GFRAL: variants seen among roughly 807,000 people sequenced by gnomAD.
GFRAL encodes GDNF family receptor alpha like, also known as GDNF family receptor alpha-like.
Under a neutral mutation model 45.4 loss-of-function variants are expected in GFRAL, and 36 were observed. The observed-to-expected ratio is 0.79, with a 90% CI of 0.61 to 1.05. The LOEUF (loss-of-function observed/expected upper bound fraction) is 1.05, where lower values mean the gene tolerates loss of function less well. Among genes scored for constraint, GFRAL ranks in the 50% least tolerant of loss-of-function variants. GFRAL has a pLI of 0.00. For missense variants in GFRAL, 507 were observed against 467.5 expected (o/e 1.08, Z -0.78); for synonymous variants, 166 against 154.1 (o/e 1.08, Z -0.57).
At chr6:55,339,049 G>C (rs1207696496) in intron 3 of GFRAL, among the ~76,000 whole-genome samples, 1 of 152,010 alleles carries the variant, frequency 6.6e-6, no homozygotes, top group Non-Finnish European at 1.5e-5. Context: ...GAGAGGTAAT[G>C]CATGCCTGAA....
chr6:55,370,125 T>G (rs62419086), intron 6 of GFRAL, among the ~76,000 whole-genome samples: 5,426 of 152,058 alleles, frequency 0.036, 148 homozygotes, highest in Middle Eastern at 0.092. Context: ...TTTCACTACA[T>G]GATTAATAGT....
chr6:55,376,848 T>C (rs2127362102), intron 6 of GFRAL, among the ~76,000 whole-genome samples: 1 of 152,168 alleles, frequency 6.6e-6, no homozygotes, highest in South Asian at 2.1e-4. Flanking sequence ...TTATCTTGGA[T>C]CTTGGTTATT....
intron 6 of GFRAL, among the ~76,000 whole-genome samples, chr6:55,395,002 G>T (rs1380894787): frequency 6.6e-6 from 1 of 151,718 alleles, no homozygotes. Flanking sequence ...CTACAATTGT[G>T]CATTCTTTCT....
At chr6:55,346,269 T>C (rs552718827) in intron 3 of GFRAL, among the ~76,000 whole-genome samples, 2 of 152,198 alleles carry the variant, frequency 1.3e-5, no homozygotes, top group Admixed American at 6.5e-5. Context: ...CTATTCACAA[T>C]AGCAAAGACT....
At chr6:55,369,777 G>T (rs1447862274) in intron 6 of GFRAL, among the ~76,000 whole-genome samples, 1 of 152,080 alleles carries the variant, frequency 6.6e-6, no homozygotes, top group African/African-American at 2.4e-5. Flanking sequence ...TAAATAATAT[G>T]GAACATCTTT....
At chr6:55,364,181 A>G (rs941776226) in intron 6 of GFRAL, among the ~76,000 whole-genome samples, 5 of 150,884 alleles carry the variant, frequency 3.3e-5, no homozygotes, top group African/African-American at 1.2e-4. Context: ...CATTTCTCTG[A>G]CGGCCAGTGA....
At chr6:55,334,024 T>G (rs1767862683) in intron 3 of GFRAL, 80 bp downstream of exon 3, 2 of 842,714 alleles carry the variant, frequency 2.4e-6, no homozygotes, top group Non-Finnish European at 3.5e-6. Context: ...CTATGTAATG[T>G]GATTAATGTT....
At chr6:55,382,217 T>G (rs774890863) in intron 6 of GFRAL, among the ~76,000 whole-genome samples, 13 of 151,976 alleles carry the variant, frequency 8.6e-5, no homozygotes, top group Non-Finnish European at 1.6e-4. Context: ...TTCATAGACA[T>G]TCACTTATAA....
At chr6:55,349,003 A>G (rs1239691155) in intron 3 of GFRAL, among the ~76,000 whole-genome samples, 1 of 152,102 alleles carries the variant, frequency 6.6e-6, no homozygotes, top group Admixed American at 6.6e-5. Context: ...TTGGGATTTT[A>G]TTAGATATGG....
In GFRAL at chr6:55,358,451, C is replaced by T. The variant is rs746069705; in HGVS notation, c.702-437C>T. 2.7e-4 allele frequency among the ~76,000 whole-genome samples: 41 copies of T among 151,932 alleles called. 1 individual carries two copies. Among genetic ancestry groups the T allele is most frequent in the African/African-American group, 7.2e-4 (30 of 41,484 alleles). ...TTTAGTCTCTTGAGAAAGTATAAAG[C>T]GCCTCCCATCCTGTGGGATAACTGA... is the stretch of plus-strand genomic sequence containing the variant. On this transcript the variant is annotated intron_variant, in intron 5 of 8. Transcript: ENST00000340465.
At chr6:55,366,568 G>C (rs1389905520) in intron 6 of GFRAL, among the ~76,000 whole-genome samples, 1 of 141,816 alleles carries the variant, frequency 7.1e-6, no homozygotes, top group African/African-American at 2.8e-5. Context: ...GCTTTCTCTT[G>C]TGGGCATTTA....
intron 5 of GFRAL, among the ~76,000 whole-genome samples, chr6:55,357,792 T>A (rs1021150347): frequency 2.0e-5 from 3 of 151,686 alleles, no homozygotes; most frequent in Admixed American, 6.6e-5. Flanking sequence ...TTTATCTACT[T>A]ATGTATAAGT....
intron 6 of GFRAL, among the ~76,000 whole-genome samples, chr6:55,378,074 C>A (rs755727607): frequency 1.5e-4 from 23 of 152,152 alleles, no homozygotes; most frequent in Middle Eastern, 3.4e-3. Flanking sequence ...GGTGACCCCA[C>A]TAGCCTTGAT....
chr6:55,397,029 C>A (rs1229896556), intron 6 of GFRAL, among the ~76,000 whole-genome samples: 6 of 151,980 alleles, frequency 3.9e-5, no homozygotes, highest in Non-Finnish European at 8.8e-5. Flanking sequence ...CAGGTGTGCA[C>A]CACCATGCCC....
rs1280982026 is a variant in GFRAL at position 55,349,980 on chromosome 6, A to C, written c.317-112A>C. 17 of 699,144 alleles carry C rather than the reference A, an allele frequency of 2.4e-5. No homozygotes were observed. The Admixed American group carries it at 3.6e-4, about 15-fold the overall frequency. 43.3% of individuals were successfully genotyped at this position (699,144 alleles called of 1,614,324 possible). On this transcript the variant is annotated intron_variant, in intron 3 of 8. Coordinates refer to ENST00000340465, the MANE Select transcript of GFRAL (RefSeq NM_207410.2). ...ATACATGTTACATAACCTTGTATGT[A>C]CTTTTGCTTGAATATATGTGGACTT...
At chr6:55,336,234 G>A (rs924960466) in intron 3 of GFRAL, among the ~76,000 whole-genome samples, 10 of 152,130 alleles carry the variant, frequency 6.6e-5, no homozygotes, top group South Asian at 2.1e-4. Flanking sequence ...GTGAGCCACC[G>A]GGCCGGGCCA....
chr6:55,390,895 T>C (rs2397183), intron 6 of GFRAL, among the ~76,000 whole-genome samples: 380 of 135,568 alleles, frequency 2.8e-3, no homozygotes, highest in Middle Eastern at 3.7e-3. Context: ...CTCACACACA[T>C]ACACACACAC....
intron 5 of GFRAL, among the ~76,000 whole-genome samples, chr6:55,353,486 A>G (rs1768147203): frequency 6.6e-6 from 1 of 152,062 alleles, no homozygotes. Context: ...AACTTATAGG[A>G]TATCAAGGTT....
intron 6 of GFRAL, among the ~76,000 whole-genome samples, chr6:55,360,894 G>T (rs752722466): frequency 4.0e-5 from 6 of 151,784 alleles, no homozygotes; most frequent in African/African-American, 7.3e-5. Context: ...GATTCTACAG[G>T]TTAATAATGA....
Sources: allele counts gnomAD v4.1 joint callset (sites outside exome capture counted in the v4.1 genomes callset), GRCh38; gene constraint gnomAD v4.1.1; transcripts MANE v1.5; gene names NCBI Gene and HGNC (gene_info 2026-07-23, HGNC 2026-07-21).